Variants in USP25 observed in about 807,000 individuals in gnomAD.
USP25 encodes ubiquitin carboxyl-terminal hydrolase 25.
In USP25, 85 loss-of-function variants were observed where a neutral mutation model predicts 158.5. The observed-to-expected ratio is 0.54, with a 90% CI of 0.45 to 0.64. USP25 has a LOEUF of 0.64. Among genes scored for constraint, USP25 ranks in the 30% least tolerant of loss-of-function variants. USP25 has a pLI of 0.00. For synonymous variants in USP25, 464 were observed against 460.4 expected, an observed-to-expected ratio of 1.01 and a Z score of -0.10; for missense variants, 1,242 against 1,327.3, an observed-to-expected ratio of 0.94 and a Z score of 1.00.
chr21:15,794,016 G>T (rs1321518004), intron 5 of USP25, among the ~76,000 whole-genome samples: 1 of 151,462 alleles, frequency 6.6e-6, no homozygotes, highest in African/African-American at 2.4e-5. Flanking sequence ...TCCACAGTGA[G>T]TTGGAACTTA....
At chr21:15,745,718 C>A (rs901472876) in intron 1 of USP25, among the ~76,000 whole-genome samples, 10 of 152,066 alleles carry the variant, frequency 6.6e-5, no homozygotes, top group Non-Finnish European at 1.3e-4. Context: ...TCAGGTGATC[C>A]GCCCGCCTCG....
chr21:15,776,361 T>C (rs2034656624), intron 3 of USP25, among the ~76,000 whole-genome samples: 1 of 152,154 alleles, frequency 6.6e-6, no homozygotes, highest in Admixed American at 6.5e-5. Context: ...CACCACTTCC[T>C]TCCATGATCA....
chr21:15,785,505 TCAA>T (rs1320533297), intron 4 of USP25, among the ~76,000 whole-genome samples: 1 of 152,096 alleles, frequency 6.6e-6, no homozygotes, highest in Admixed American at 6.5e-5. Context: ...AAGCTAGAAA[TCAA>T]CAACAAGAAA....
chr21:15,730,331 G>T lies in USP25; in HGVS notation c.-63G>T. 9.3e-7 allele frequency: 1 copy of T among 1,079,518 alleles called. No homozygotes were observed. Among genetic ancestry groups the T allele is most frequent in the Non-Finnish European group, 1.1e-6 (1 of 892,408 alleles). 66.9% of individuals were successfully genotyped at this position (1,079,518 alleles called of 1,614,324 possible). On this transcript the variant is annotated 5_prime_UTR_variant, in exon 1 of 26. Transcript: ENST00000400183. ...GAGCTCGGCGGAGCGCGGCAGCCAG[G>T]GCCGGCGGAGGCGCGAGGAGCCGGG...
chr21:15,795,993 A>T (rs1205920228), intron 5 of USP25, among the ~76,000 whole-genome samples: 3 of 151,316 alleles, frequency 2.0e-5, no homozygotes, highest in Non-Finnish European at 3.0e-5. Context: ...CTTTTTCACA[A>T]ATTATTTGAA....
rs540637011 is a variant in USP25 at position 15,730,033 on chromosome 21, C to G, written c.-361C>G. On this transcript the variant is annotated 5_prime_UTR_variant, in exon 1 of 26. Transcript: ENST00000400183. ...CCTCTCTCCCTTCCCCAAAGCAGCCCGCGGACCGGCAGCAAAGGAACGTGC... is the reference window on the plus strand; with the variant it reads ...CCTCTCTCCCTTCCCCAAAGCAGCCGGCGGACCGGCAGCAAAGGAACGTGC... 6.6e-6 allele frequency: 1 copy of G among 151,680 alleles called. No homozygotes were observed. The highest frequency in any genetic ancestry group is 2.4e-5 in the African/African-American group (1 of 41,362). The allele number at this position is 151,680 out of a possible 1,614,324, so 9.4% of individuals were successfully genotyped here.
At position 15,754,077 on chromosome 21, in the gene USP25, A is replaced by AT. The variant is rs200239144; in HGVS notation, c.46-8806dup. ...TAATGTAGATTTCCTTTAAAAATGG[A>AT]TTTTTTTTCACAAAAGGACAGTTTT... On this transcript the variant is annotated intron_variant, in intron 1 of 25. Transcript: ENST00000400183. Among the ~76,000 whole-genome samples, 895 of 152,106 alleles carry AT rather than the reference A, an allele frequency of 5.9e-3. 8 individuals are homozygous for AT. Among genetic ancestry groups the AT allele is most frequent in the African/African-American group, 0.021 (856 of 41,490 alleles).
At chr21:15,754,175 G>A (rs2033223278) in intron 1 of USP25, among the ~76,000 whole-genome samples, 1 of 152,104 alleles carries the variant, frequency 6.6e-6, no homozygotes, top group Non-Finnish European at 1.5e-5. Flanking sequence ...ATATTTTTGG[G>A]TGGCATATTC....
chr21:15,809,335 A>C (rs190957162), intron 8 of USP25, among the ~76,000 whole-genome samples: 1 of 152,210 alleles, frequency 6.6e-6, no homozygotes, highest in East Asian at 1.9e-4. Flanking sequence ...CTGTGTCTCT[A>C]AGTTTCTGCC....
chr21:15,770,099 T>A (rs987589635), intron 3 of USP25, among the ~76,000 whole-genome samples: 5 of 152,118 alleles, frequency 3.3e-5, no homozygotes, highest in African/African-American at 1.2e-4. Context: ...TGATTTAAAC[T>A]GTGATAAATA....
intron 22 of USP25, among the ~76,000 whole-genome samples, chr21:15,867,937 G>C (rs1414129412): frequency 6.6e-6 from 1 of 152,064 alleles, no homozygotes; most frequent in Non-Finnish European, 1.5e-5. Context: ...TCCCCCAAAT[G>C]CTTTATAAAT....
intron 7 of USP25, among the ~76,000 whole-genome samples, chr21:15,806,342 A>G (rs2036389335): frequency 6.6e-6 from 1 of 151,506 alleles, no homozygotes; most frequent in Non-Finnish European, 1.5e-5. Context: ...GATTCTGAGT[A>G]TACAATTAAA....
intron 3 of USP25, among the ~76,000 whole-genome samples, chr21:15,777,556 G>A (rs1287772520): frequency 6.6e-6 from 1 of 152,138 alleles, no homozygotes; most frequent in Non-Finnish European, 1.5e-5. Context: ...AAGCAGAAAT[G>A]TCAATGTTTA....
Position 15,816,149 on chromosome 21 carries a change from G to A in USP25, c.932-2549G>A, listed in dbSNP as rs1271113392. Among the ~76,000 whole-genome samples the A allele has an allele frequency of 2.0e-5, 3 of 152,126 alleles. No individual in the cohort carries two copies. Among genetic ancestry groups the A allele is most frequent in the Non-Finnish European group, 4.4e-5 (3 of 68,020 alleles). On this transcript the variant is annotated intron_variant, in intron 9 of 25. Coordinates refer to ENST00000400183, the MANE Select transcript of USP25 (RefSeq NM_001283041.3). The surrounding 1 kb of genome is among the most constrained non-coding windows in gnomAD (Gnocchi z 4.0). ...GAATCATGGTGGGGCAGTCTTTCCT[G>A]TGCTATTCTCATGATATTGAATACA...
chr21:15,786,790 A>G (rs2035299640), intron 4 of USP25, among the ~76,000 whole-genome samples: 1 of 152,120 alleles, frequency 6.6e-6, no homozygotes, highest in African/African-American at 2.4e-5. Context: ...GGGGAAAGAA[A>G]TAAAAGACAT....
chr21:15,764,739 T>A (rs552394840), intron 2 of USP25, among the ~76,000 whole-genome samples: 1 of 152,128 alleles, frequency 6.6e-6, no homozygotes, highest in Non-Finnish European at 1.5e-5. Context: ...TTAGATTACT[T>A]ATTTAACAAT....
intron 1 of USP25, among the ~76,000 whole-genome samples, chr21:15,734,690 A>C (rs1244764604): frequency 6.6e-6 from 1 of 152,196 alleles, no homozygotes; most frequent in Non-Finnish European, 1.5e-5. Flanking sequence ...AGATGACAGA[A>C]TGCTACTACA....
At chr21:15,856,743 G>T (rs7283467) in intron 20 of USP25, among the ~76,000 whole-genome samples, 34,530 of 143,146 alleles carry the variant, frequency 0.24, 5,355 homozygotes, top group African/African-American at 0.47. Context: ...AGTGCTGGGA[G>T]TACAGGCGTG....
At chr21:15,737,707 CTT>C (rs2031654780) in intron 1 of USP25, among the ~76,000 whole-genome samples, 1 of 150,058 alleles carries the variant, frequency 6.7e-6, no homozygotes, top group Non-Finnish European at 1.5e-5. Context: ...ATTTTATACT[CTT>C]TTTCATCTGT....
Sources: allele counts gnomAD v4.1 joint callset (sites outside exome capture counted in the v4.1 genomes callset), GRCh38; gene constraint gnomAD v4.1.1; non-coding constraint Gnocchi (gnomAD v3.1); transcripts MANE v1.5; gene names NCBI Gene and HGNC (gene_info 2026-07-23, HGNC 2026-07-21).